The following ZNF385D variants were observed in gnomAD, a reference collection of about 807,000 sequenced individuals.
ZNF385D encodes zinc finger protein 385D.
In ZNF385D, 15 loss-of-function variants were observed where a neutral mutation model predicts 35.8. The observed-to-expected ratio is 0.42, with a 90% CI of 0.28 to 0.64. The LOEUF (loss-of-function observed/expected upper bound fraction) is 0.64. ZNF385D is among the 30% of genes least tolerant of loss of function. ZNF385D has a pLI of 0.23. For synonymous variants in ZNF385D, 212 were observed against 186.8 expected (o/e 1.13, Z -1.10); for missense variants, 474 against 494.6 (o/e 0.96, Z 0.39).
chr3:21,794,807 G>A (rs1470377524), intron 3 of ZNF385D, among the ~76,000 whole-genome samples: 1 of 152,160 alleles, frequency 6.6e-6, no homozygotes, highest in African/African-American at 2.4e-5. Context: ...TGAAACCCTA[G>A]TTCTGTCACT....
intron 3 of ZNF385D, among the ~76,000 whole-genome samples, chr3:22,025,990 G>C (rs984061757): frequency 4.6e-5 from 7 of 152,166 alleles, no homozygotes; most frequent in African/African-American, 1.7e-4. Flanking sequence ...GGCAAGGTGG[G>C]CATAGCTACC....
At chr3:21,819,237 A>G (rs748670457) in intron 3 of ZNF385D, among the ~76,000 whole-genome samples, 20 of 151,960 alleles carry the variant, frequency 1.3e-4, no homozygotes, top group Non-Finnish European at 1.6e-4. Flanking sequence ...AAGGCACACA[A>G]TAAGATGTTA....
chr3:22,115,214 G>T (rs567678597), intron 3 of ZNF385D, among the ~76,000 whole-genome samples: 1 of 152,020 alleles, frequency 6.6e-6, no homozygotes, highest in Admixed American at 6.6e-5. Flanking sequence ...GAGCAGATTT[G>T]GTCAGGCCAT....
intron 3 of ZNF385D, among the ~76,000 whole-genome samples, chr3:21,961,909 C>G (rs1393918772): frequency 6.6e-6 from 1 of 151,918 alleles, no homozygotes; most frequent in African/African-American, 2.4e-5. Context: ...ACTGTTATGA[C>G]TAAAAGGAAA....
intron 3 of ZNF385D, among the ~76,000 whole-genome samples, chr3:21,536,255 G>A (rs1677381815): frequency 6.6e-6 from 1 of 152,108 alleles, no homozygotes; most frequent in South Asian, 2.1e-4. Flanking sequence ...TGCTAAGATA[G>A]TAAGAAAAGC....
At chr3:21,609,979 C>T (rs896539344) in intron 2 of ZNF385D, among the ~76,000 whole-genome samples, 13 of 152,140 alleles carry the variant, frequency 8.5e-5, no homozygotes, top group Admixed American at 4.6e-4. Context: ...ATAAATCTCC[C>T]ACTTTTCTTA....
chr3:21,532,751 C>G (rs1333060452), intron 3 of ZNF385D, among the ~76,000 whole-genome samples: 1 of 151,270 alleles, frequency 6.6e-6, no homozygotes, highest in Non-Finnish European at 1.5e-5. Context: ...TATCTCTCAC[C>G]AATTCATTTT....
intron 3 of ZNF385D, among the ~76,000 whole-genome samples, chr3:21,550,966 A>G (rs1313385182): frequency 1.3e-5 from 2 of 152,174 alleles, no homozygotes; most frequent in Non-Finnish European, 2.9e-5. Flanking sequence ...CATTAAGGAC[A>G]TGTTGTTACT....
intron 4 of ZNF385D, among the ~76,000 whole-genome samples, chr3:21,441,314 C>A (rs1165939797): frequency 6.6e-6 from 1 of 152,046 alleles, no homozygotes; most frequent in East Asian, 1.9e-4. Flanking sequence ...TCATAAAAAA[C>A]AAGAGGTGCA....
intron 3 of ZNF385D, among the ~76,000 whole-genome samples, chr3:22,088,496 C>G (rs1302927186): frequency 1.3e-5 from 2 of 152,104 alleles, no homozygotes; most frequent in Admixed American, 6.6e-5. Flanking sequence ...GAATCTGAGG[C>G]CAGACTCCCA....
At chr3:21,975,445 T>C (rs1458576214) in intron 3 of ZNF385D, among the ~76,000 whole-genome samples, 1 of 151,974 alleles carries the variant, frequency 6.6e-6, no homozygotes, top group Non-Finnish European at 1.5e-5. Flanking sequence ...TGGGTTCAAA[T>C]ATATGGTTAG....
chr3:21,724,024 G>C lies in ZNF385D; in HGVS notation c.22+26871C>G, dbSNP rs555219295. Among the ~76,000 whole-genome samples, 10 of 152,168 alleles carry C rather than the reference G, an allele frequency of 6.6e-5. No individual in the cohort carries two copies. In the South Asian group the frequency reaches 1.9e-3, roughly 28 times the overall value. The stretch of plus-strand genomic sequence containing the variant: ...CATTCTCAAAGAAAAGAATGTTCAA[G>C]CTAGAATTTCATATCCAGCCAAACT... On this transcript the variant is annotated intron_variant, in intron 1 of 7. Transcript: ENST00000281523.
In ZNF385D at chr3:21,419,469, A is replaced by G. The variant is rs890322620; in HGVS notation, c.*1745T>C. 1.3e-5 allele frequency: 2 copies of G among 152,146 alleles called. No individual in the cohort carries two copies. Among genetic ancestry groups the G allele is most frequent in the African/African-American group, 4.8e-5 (2 of 41,462 alleles). The allele number at this position is 152,146 out of a possible 1,614,324, so 9.4% of individuals were successfully genotyped here. A position where few individuals can be genotyped will look rare whatever the true frequency, so the allele number is the denominator to read the frequency against. On this transcript the variant is annotated 3_prime_UTR_variant, in exon 8 of 8. Transcript: ENST00000281523. ...TCCTCTTGATTCTTTATACCTCTCCAAGGGTTACAACACTTTGAGAGCAGT... is the reference window on the plus strand; with the variant it reads ...TCCTCTTGATTCTTTATACCTCTCCGAGGGTTACAACACTTTGAGAGCAGT...
chr3:21,784,910 C>T lies in ZNF385D; in HGVS notation c.326-119882G>A, dbSNP rs117282138. On this transcript the variant is annotated intron_variant, in intron 3 of 5. Transcript: ENST00000494108. ...CTTTAATTTATCATGGACTTTTTTG[C>T]ATTTTAATTTTTTTAAATGTTGCAT... 5.9e-5 allele frequency among the ~76,000 whole-genome samples: 9 copies of T among 151,928 alleles called. No homozygotes were observed. The East Asian group carries it at 9.7e-4, about 16-fold the overall frequency.
In ZNF385D at chr3:22,335,548, T is replaced by C. The variant is rs114080252; in HGVS notation, c.106+36902A>G. Among the ~76,000 whole-genome samples the C allele has an allele frequency of 9.3e-3, 1,423 of 152,252 alleles. 21 individuals carry two copies. The highest frequency in any genetic ancestry group is 0.032 in the African/African-American group (1,315 of 41,558). Reference sequence around the variant, plus strand: ...AGCCTAAATCCTATAATCAATCCTATTGAATACCCTCTTACAGAAATGCAC... The same window carrying C: ...AGCCTAAATCCTATAATCAATCCTACTGAATACCCTCTTACAGAAATGCAC... On this transcript the variant is annotated intron_variant, in intron 2 of 5. Coordinates refer to the ZNF385D transcript ENST00000494108.
intron 4 of ZNF385D, among the ~76,000 whole-genome samples, chr3:21,446,713 C>G (rs418442): frequency 0.65 from 97,742 of 151,326 alleles, 31,847 homozygotes; most frequent in African/African-American, 0.72. Flanking sequence ...AGCCGGTCTC[C>G]AATCTCTGAC....
rs929922916 is a variant in ZNF385D at position 22,338,698 on chromosome 3, A to T, written c.106+33752T>A. Reference sequence around the variant, plus strand: ...ATGTGCAGCAAAACATATTCATCTCATTTTTTTTTTTTTTTTTTTTGAAGT... The same window carrying T: ...ATGTGCAGCAAAACATATTCATCTCTTTTTTTTTTTTTTTTTTTTTGAAGT... On this transcript the variant is annotated intron_variant, in intron 2 of 5. Coordinates refer to the ZNF385D transcript ENST00000494108. Among the ~76,000 whole-genome samples, 166 of 125,398 alleles carry T rather than the reference A, an allele frequency of 1.3e-3. 4 individuals carry two copies. The highest frequency in any genetic ancestry group is 4.8e-3 in the African/African-American group (152 of 31,810). 82.3% of individuals were successfully genotyped at this position (125,398 alleles called of 152,430 possible). A position where few individuals can be genotyped will look rare whatever the true frequency, so the allele number is the denominator to read the frequency against.
At chr3:21,425,804 C>T in intron 5 of ZNF385D, 134 bp from the exon 6 acceptor site, 1 of 724,604 alleles carries the variant, frequency 1.4e-6, no homozygotes, top group Middle Eastern at 4.0e-4. Context: ...AAATCTGATG[C>T]CTCATTTTAG....
chr3:22,008,792 C>G (rs1696381552), intron 3 of ZNF385D, among the ~76,000 whole-genome samples: 1 of 152,056 alleles, frequency 6.6e-6, no homozygotes, highest in Non-Finnish European at 1.5e-5. Context: ...TGTATAGAAC[C>G]AAACAATTAT....
Sources: allele counts gnomAD v4.1 joint callset (sites outside exome capture counted in the v4.1 genomes callset), GRCh38; gene constraint gnomAD v4.1.1; transcripts MANE v1.5; gene names NCBI Gene and HGNC (gene_info 2026-07-23, HGNC 2026-07-21).